Variants in CACNB2 observed in about 807,000 individuals in gnomAD.
CACNB2 encodes the protein voltage-dependent L-type calcium channel subunit beta-2.
In CACNB2, 42 loss-of-function variants were observed where a neutral mutation model predicts 73.3. The observed-to-expected ratio is 0.57, with a 90% confidence interval of 0.45 to 0.74. The LOEUF is 0.74. CACNB2 is among the 30% of genes least tolerant of loss of function. CACNB2 has a pLI of 0.00. For missense variants in CACNB2, 940 were observed against 853.0 expected (o/e 1.10, Z -1.27); for synonymous variants, 348 against 310.3 (o/e 1.12, Z -1.28).
At chr10:18,220,243 A>AGGGTGG (rs1374853215) in intron 2 of CACNB2, among the ~76,000 whole-genome samples, 25 of 89,340 alleles carry the variant, frequency 2.8e-4, no homozygotes, top group Non-Finnish European at 4.9e-4. Context: ...AGAGAGAGAG[A>AGGGTGG]GAGAGAGAGA....
intron 2 of CACNB2, among the ~76,000 whole-genome samples, chr10:18,205,440 T>A (rs145705734): frequency 2.0e-5 from 3 of 152,214 alleles, no homozygotes; most frequent in Non-Finnish European, 4.4e-5. Flanking sequence ...ATGACTAGTT[T>A]GTTGAACAGT....
At chr10:18,290,073 A>C (rs1033998344) in intron 2 of CACNB2, among the ~76,000 whole-genome samples, 4 of 139,430 alleles carry the variant, frequency 2.9e-5, no homozygotes, top group Admixed American at 1.4e-4. Flanking sequence ...TCTGTATCTT[A>C]ATTTCCTTCT....
intron 2 of CACNB2, among the ~76,000 whole-genome samples, chr10:18,399,917 A>T (rs2043905627): frequency 6.6e-6 from 1 of 152,206 alleles, no homozygotes; most frequent in Admixed American, 6.5e-5. Context: ...CCTCATCTAC[A>T]AGCAGAGTTG....
chr10:18,519,880 C>T (rs994846911), intron 9 of CACNB2: 5 of 380,898 alleles, frequency 1.3e-5, no homozygotes, highest in African/African-American at 1.1e-4. Flanking sequence ...CCTAATCTTA[C>T]TTGACCATGA....
intron 3 of CACNB2, among the ~76,000 whole-genome samples, chr10:18,412,436 A>G (rs1232183051): frequency 1.3e-5 from 2 of 152,102 alleles, no homozygotes; most frequent in African/African-American, 4.8e-5. Flanking sequence ...TTCTACTGCC[A>G]ACCTTATCAC....
At chr10:18,518,270 TTA>T in intron 7 of CACNB2, 64 bp from the exon 8 acceptor site, 2 of 1,078,268 alleles carry the variant, frequency 1.9e-6, no homozygotes, top group Non-Finnish European at 2.9e-6. Flanking sequence ...AAAGAGTACC[TTA>T]TACACAAAAT....
intron 3 of CACNB2, among the ~76,000 whole-genome samples, chr10:18,406,817 G>A (rs541753066): frequency 3.8e-4 from 58 of 152,304 alleles, no homozygotes; most frequent in African/African-American, 1.4e-3. Context: ...GAGGACTGCT[G>A]CCTTAGAGGA....
At chr10:18,308,190 C>T (rs760566217) in intron 2 of CACNB2, among the ~76,000 whole-genome samples, 8 of 151,816 alleles carry the variant, frequency 5.3e-5, no homozygotes, top group Non-Finnish European at 1.2e-4. Flanking sequence ...GTCCGGGTTT[C>T]GCCATGTTGG....
At chr10:18,387,871 C>T (rs1393766269) in intron 2 of CACNB2, among the ~76,000 whole-genome samples, 1 of 152,102 alleles carries the variant, frequency 6.6e-6, no homozygotes, top group African/African-American at 2.4e-5. Flanking sequence ...ATCCTCCCAC[C>T]TCAGCCTCCC....
intron 3 of CACNB2, among the ~76,000 whole-genome samples, chr10:18,412,682 A>C (rs1037438989): frequency 6.6e-6 from 1 of 152,030 alleles, no homozygotes; most frequent in African/African-American, 2.4e-5. Context: ...TTCTACTACC[A>C]CTCTGGTGGT....
chr10:18,293,985 C>T (rs955480507), intron 2 of CACNB2, among the ~76,000 whole-genome samples: 2 of 152,168 alleles, frequency 1.3e-5, no homozygotes, highest in African/African-American at 4.8e-5. Context: ...TGAAATGTAT[C>T]TGGTCTTCCT....
At chr10:18,404,837 C>T (rs1195056601) in intron 3 of CACNB2, among the ~76,000 whole-genome samples, 1 of 152,176 alleles carries the variant, frequency 6.6e-6, no homozygotes, top group Admixed American at 6.5e-5. Context: ...GTCAATAAAC[C>T]TATTACTCTC....
At chr10:18,452,597 G>A (rs1342044100) in intron 3 of CACNB2, among the ~76,000 whole-genome samples, 1 of 152,174 alleles carries the variant, frequency 6.6e-6, no homozygotes, top group Non-Finnish European at 1.5e-5. Context: ...AGGCTGGAGT[G>A]CAGTAGCACA....
chr10:18,422,931 C>A (rs1238905156), intron 3 of CACNB2, among the ~76,000 whole-genome samples: 1 of 152,200 alleles, frequency 6.6e-6, no homozygotes, highest in African/African-American at 2.4e-5. Context: ...CTCCTGACCT[C>A]AGGTGATCCA....
At chr10:18,408,612 A>G (rs1012337866) in intron 3 of CACNB2, among the ~76,000 whole-genome samples, 1 of 152,136 alleles carries the variant, frequency 6.6e-6, no homozygotes, top group Non-Finnish European at 1.5e-5. Flanking sequence ...TTACAAACAC[A>G]TAGGTTTACA....
intron 3 of CACNB2, among the ~76,000 whole-genome samples, chr10:18,431,896 C>A (rs1001218600): frequency 2.0e-5 from 3 of 152,102 alleles, no homozygotes; most frequent in Admixed American, 2.0e-4. Flanking sequence ...TCCTGAGTAG[C>A]TGGAACTGCA....
intron 2 of CACNB2, among the ~76,000 whole-genome samples, chr10:18,296,621 C>A (rs1443699392): frequency 1.3e-5 from 2 of 152,076 alleles, no homozygotes; most frequent in Non-Finnish European, 2.9e-5. Context: ...TACAGCCTGC[C>A]ACTACCGATT....
intron 7 of CACNB2, among the ~76,000 whole-genome samples, chr10:18,517,522 C>A (rs1440938841): frequency 6.6e-6 from 1 of 152,122 alleles, no homozygotes; most frequent in Non-Finnish European, 1.5e-5. Context: ...AGTTATCTGA[C>A]AGAAAACTAC....
chr10:18,347,161 G>GATTTTATTTT (rs926594971), intron 2 of CACNB2, among the ~76,000 whole-genome samples: 3 of 151,674 alleles, frequency 2.0e-5, no homozygotes, highest in African/African-American at 7.3e-5. Flanking sequence ...ACAAGAACAA[G>GATTTTATTTT]ATTTTATTTT....
Sources: allele counts gnomAD v4.1 joint callset (sites outside exome capture counted in the v4.1 genomes callset), GRCh38; gene constraint gnomAD v4.1.1; transcripts MANE v1.5; gene names NCBI Gene and HGNC (gene_info 2026-07-23, HGNC 2026-07-21).